FMN1: variants seen among roughly 807,000 people sequenced by gnomAD.
FMN1 encodes the protein formin-1.
A neutral mutation model predicts 132.4 loss-of-function variants in FMN1; 110 were observed. The ratio of observed to expected loss-of-function variants is 0.83; its 90% CI spans 0.71 to 0.97. FMN1 has a LOEUF of 0.97. Among genes scored for constraint, FMN1 ranks in the 50% least tolerant of loss-of-function variants. FMN1 has a pLI of 0.00. For synonymous variants in FMN1, 722 were observed against 651.7 expected, an observed-to-expected ratio of 1.11 and a Z score of -1.64; for missense variants, 1,792 against 1,705.3, an observed-to-expected ratio of 1.05 and a Z score of -0.90.
At chr15:32,943,541 C>T (rs967779743) in intron 9 of FMN1, among the ~76,000 whole-genome samples, 10 of 152,154 alleles carry the variant, frequency 6.6e-5, no homozygotes, top group Non-Finnish European at 1.3e-4. Context: ...GATAAAGGTA[C>T]CTTCATAATG....
At chr15:33,005,852 A>G (rs1041138652) in intron 7 of FMN1, among the ~76,000 whole-genome samples, 2 of 152,198 alleles carry the variant, frequency 1.3e-5, no homozygotes, top group African/African-American at 4.8e-5. Flanking sequence ...AGAACAAAGA[A>G]AAAGAAAGAG....
chr15:33,112,148 A>C (rs1038816308), intron 4 of FMN1, among the ~76,000 whole-genome samples: 1 of 152,156 alleles, frequency 6.6e-6, no homozygotes, highest in Non-Finnish European at 1.5e-5. Context: ...TTCAACTTGG[A>C]AACAATTTAA....
chr15:32,979,555 CAAAAAAA>C (rs66993265), intron 7 of FMN1, among the ~76,000 whole-genome samples: 33 of 57,476 alleles, frequency 5.7e-4, no homozygotes, highest in Admixed American at 9.8e-4. Context: ...GACTCTGTCT[CAAAAAAA>C]AAAAAAAAAA....
intron 4 of FMN1, among the ~76,000 whole-genome samples, chr15:33,129,699 G>A (rs2140222321): frequency 6.6e-6 from 1 of 152,200 alleles, no homozygotes; most frequent in East Asian, 1.9e-4. Flanking sequence ...TATGGACCCA[G>A]GGCTTTACTC....
At chr15:32,828,985 C>T (rs1022252395) in intron 17 of FMN1, among the ~76,000 whole-genome samples, 15 of 152,246 alleles carry the variant, frequency 9.9e-5, no homozygotes, top group African/African-American at 3.1e-4. Flanking sequence ...TGCTACACAT[C>T]GAATGTTTTG....
intron 16 of FMN1, among the ~76,000 whole-genome samples, chr15:32,885,369 C>T (rs2141468130): frequency 6.6e-6 from 1 of 152,280 alleles, no homozygotes; most frequent in East Asian, 1.9e-4. Context: ...AATGCCAAAA[C>T]TTTCTGTCTG....
intron 5 of FMN1, chr15:33,066,430 G>C: frequency 8.5e-7 from 1 of 1,169,742 alleles, no homozygotes; most frequent in Non-Finnish European, 1.2e-6. Context: ...AGGCAACTAG[G>C]ATTCACTTTG....
At position 32,981,091 on chromosome 15, in the gene FMN1, C is replaced by T. The variant is rs186909432; in HGVS notation, c.2224-11614G>A. 7.2e-5 allele frequency among the ~76,000 whole-genome samples: 11 copies of T among 151,964 alleles called. No homozygotes were observed. The East Asian group carries it at 1.5e-3, about 21-fold the overall frequency. The stretch of plus-strand genomic sequence containing the variant: ...TTATTTTATTCAATTCTATTCAAAC[C>T]CTGGGATTTTAAAAGGAAATTTTTT... On this transcript the variant is annotated intron_variant, in intron 7 of 20. Transcript: ENST00000616417.
At chr15:33,001,403 T>TA (rs1452705469) in intron 7 of FMN1, among the ~76,000 whole-genome samples, 3 of 152,226 alleles carry the variant, frequency 2.0e-5, no homozygotes, top group Non-Finnish European at 1.5e-5. Context: ...CACCTTTACT[T>TA]AAAGTAAGTA....
At chr15:33,163,057 G>A (rs1332494438) in intron 3 of FMN1, among the ~76,000 whole-genome samples, 2 of 152,112 alleles carry the variant, frequency 1.3e-5, no homozygotes, top group African/African-American at 4.8e-5. Flanking sequence ...GGGAGGTGGA[G>A]GTTGCAGTGA....
At chr15:33,107,739 C>T (rs1022881960) in intron 4 of FMN1, among the ~76,000 whole-genome samples, 2 of 152,084 alleles carry the variant, frequency 1.3e-5, no homozygotes, top group Non-Finnish European at 2.9e-5. Flanking sequence ...ACCCATCGTA[C>T]TTATCATTAC....
At chr15:32,948,403 G>T (rs2061554725) in intron 9 of FMN1, among the ~76,000 whole-genome samples, 1 of 151,772 alleles carries the variant, frequency 6.6e-6, no homozygotes, top group African/African-American at 2.4e-5. Flanking sequence ...CCCTTGTCTG[G>T]TTGTGCTATC....
At position 33,121,266 on chromosome 15, in the gene FMN1, G is replaced by A. The variant is rs150662443; in HGVS notation, c.1867+31782C>T. ...TTCTGCAAATAAAACTTCATCATATGCCTGATTCTGAGTTTCAATACCACA... is the reference window on the plus strand; with the variant it reads ...TTCTGCAAATAAAACTTCATCATATACCTGATTCTGAGTTTCAATACCACA... On this transcript the variant is annotated intron_variant, in intron 4 of 20. Transcript: ENST00000616417. 8.5e-5 allele frequency among the ~76,000 whole-genome samples: 13 copies of A among 152,318 alleles called. No individual in the cohort carries two copies. In the East Asian group the frequency reaches 2.5e-3, roughly 29 times the overall value.
chr15:32,929,654 G>C (rs1480164622), intron 9 of FMN1, among the ~76,000 whole-genome samples: 1 of 152,046 alleles, frequency 6.6e-6, no homozygotes, highest in Non-Finnish European at 1.5e-5. Flanking sequence ...GACCACCACG[G>C]ATACCTCATA....
intron 4 of FMN1, among the ~76,000 whole-genome samples, chr15:33,128,181 A>T (rs79219094): frequency 4.1e-5 from 5 of 122,204 alleles, no homozygotes; most frequent in Non-Finnish European, 7.4e-5. Flanking sequence ...AAGCAAGCAA[A>T]CAAATTGCTC....
chr15:32,981,543 A>ATTATTATT (rs1555372550), intron 7 of FMN1, among the ~76,000 whole-genome samples: 54 of 138,396 alleles, frequency 3.9e-4, no homozygotes, highest in Admixed American at 7.9e-4. Context: ...TAATAATAAT[A>ATTATTATT]ATTATTATTA....
intron 3 of FMN1, among the ~76,000 whole-genome samples, chr15:33,176,047 C>A (rs1028467238): frequency 2.0e-5 from 3 of 152,130 alleles, no homozygotes; most frequent in African/African-American, 7.2e-5. Context: ...TTAGAGGGCC[C>A]CAAAGCAAAT....
At chr15:33,112,295 A>AT (rs1555402183) in intron 4 of FMN1, among the ~76,000 whole-genome samples, 1 of 2,548 alleles carries the variant, frequency 3.9e-4, no homozygotes, top group Non-Finnish European at 6.2e-4. Flanking sequence ...TGCATAAAAC[A>AT]AAATATTTTT....
intron 17 of FMN1, among the ~76,000 whole-genome samples, chr15:32,815,872 C>T (rs2058045476): frequency 6.6e-6 from 1 of 152,154 alleles, no homozygotes; most frequent in South Asian, 2.1e-4. Context: ...AACAGTGGAG[C>T]CGAAGCTTCC....
Sources: allele counts gnomAD v4.1 joint callset (sites outside exome capture counted in the v4.1 genomes callset), GRCh38; gene constraint gnomAD v4.1.1; transcripts MANE v1.5; gene names NCBI Gene and HGNC (gene_info 2026-07-23, HGNC 2026-07-21).